The following HS1BP3 variants were observed in gnomAD, a reference collection of about 807,000 sequenced individuals.
HS1BP3 encodes the protein HCLS1-binding protein 3.
A neutral mutation model predicts 33.5 loss-of-function variants in HS1BP3; 32 were observed. The observed-to-expected ratio is 0.95, with a 90% CI of 0.72 to 1.28. The LOEUF (loss-of-function observed/expected upper bound fraction) is 1.28, where lower values mean the gene tolerates loss of function less well. HS1BP3 is among the 50% of genes most tolerant of loss of function. HS1BP3 has a pLI of 0.00. For missense variants in HS1BP3, 486 were observed against 502.3 expected (o/e 0.97, Z 0.31); for synonymous variants, 187 against 209.2 (o/e 0.89, Z 0.92).
At chr2:20,581,556 C>G (rs1693532787) in intron 5 of HS1BP3, among the ~76,000 whole-genome samples, 1 of 152,110 alleles carries the variant, frequency 6.6e-6, no homozygotes, top group Admixed American at 6.5e-5. Flanking sequence ...CACCATGTTG[C>G]CCAGGCTGGT....
chr2:20,569,859 C>A (rs1051451564), intron 5 of HS1BP3, among the ~76,000 whole-genome samples: 31 of 152,238 alleles, frequency 2.0e-4, no homozygotes, highest in African/African-American at 7.2e-4. Context: ...TGCCCCACCG[C>A]CTCTCTCTAC....
intron 1 of HS1BP3, 69 bp downstream of exon 1, chr2:20,650,963 C>A: frequency 7.5e-6 from 9 of 1,204,614 alleles, no homozygotes; most frequent in Non-Finnish European, 9.3e-6. Flanking sequence ...CGGCGGCCTC[C>A]CCCCGCCTCT....
intron 5 of HS1BP3, among the ~76,000 whole-genome samples, chr2:20,562,333 G>T (rs1488211976): frequency 2.0e-5 from 3 of 152,024 alleles, no homozygotes; most frequent in Non-Finnish European, 4.4e-5. Context: ...AACAAAATTA[G>T]CCAGCTGTGG....
At chr2:20,624,984 G>A (rs1463204350) in intron 4 of HS1BP3, 92 bp from the exon 5 acceptor site, 3 of 1,444,834 alleles carry the variant, frequency 2.1e-6, no homozygotes, top group Non-Finnish European at 2.9e-6. Flanking sequence ...GCCCTGCAGT[G>A]GAGGGGCTGG....
chr2:20,600,871 T>C (rs1187330107), intron 2 of HS1BP3, among the ~76,000 whole-genome samples: 1 of 152,198 alleles, frequency 6.6e-6, no homozygotes, highest in Non-Finnish European at 1.5e-5. Context: ...TTTTATTATT[T>C]TAAAAATTGG....
intron 2 of HS1BP3, among the ~76,000 whole-genome samples, chr2:20,610,782 G>A (rs1694302391): frequency 6.6e-6 from 1 of 152,242 alleles, no homozygotes; most frequent in African/African-American, 2.4e-5. Flanking sequence ...AGTATGTTCA[G>A]TTTTGTACTG....
intron 5 of HS1BP3, among the ~76,000 whole-genome samples, chr2:20,565,013 G>A (rs1693092043): frequency 6.6e-6 from 1 of 152,208 alleles, no homozygotes; most frequent in African/African-American, 2.4e-5. Context: ...AGGAAGTGGA[G>A]AGGGACATTA....
In HS1BP3 at chr2:20,618,725, C is replaced by A; in HGVS notation, c.*262G>T. The A allele has an allele frequency of 7.8e-7, 1 of 1,289,816 alleles. No individual in the cohort carries two copies. The allele number at this position is 1,289,816 out of a possible 1,614,324, so 79.9% of individuals were successfully genotyped here. A position where few individuals can be genotyped will look rare whatever the true frequency, so the allele number is the denominator to read the frequency against. On this transcript the variant is annotated 3_prime_UTR_variant, in exon 7 of 7. Coordinates refer to ENST00000304031, the MANE Select transcript of HS1BP3 (RefSeq NM_022460.4). Reference sequence around the variant, plus strand: ...TTGGCAAGGCATCCCCACACCCTCCCTCCCCTTCATGTCCACGGGGAATAA... The same window carrying A: ...TTGGCAAGGCATCCCCACACCCTCCATCCCCTTCATGTCCACGGGGAATAA...
chr2:20,576,349 C>T (rs906403471), intron 5 of HS1BP3, among the ~76,000 whole-genome samples: 3 of 152,178 alleles, frequency 2.0e-5, no homozygotes, highest in Non-Finnish European at 4.4e-5. Flanking sequence ...ATGTGTTCCT[C>T]CTCTTTTCCT....
chr2:20,644,205 T>C (rs1695448712), intron 2 of HS1BP3, among the ~76,000 whole-genome samples: 1 of 152,126 alleles, frequency 6.6e-6, no homozygotes, highest in African/African-American at 2.4e-5. Context: ...GTGTGTGATC[T>C]CAACCCTCTT....
chr2:20,582,735 G>A (rs1572302792), intron 5 of HS1BP3, among the ~76,000 whole-genome samples: 1 of 152,164 alleles, frequency 6.6e-6, no homozygotes, highest in Non-Finnish European at 1.5e-5. Context: ...GACAGTGGGA[G>A]GATTGTCATG....
downstream of HS1BP3, among the ~76,000 whole-genome samples, chr2:20,617,535 C>A (rs1323164030): frequency 1.3e-5 from 2 of 152,188 alleles, no homozygotes; most frequent in Non-Finnish European, 2.9e-5. Context: ...AGATGCAGGA[C>A]AGAGCAGACA....
At chr2:20,590,386 T>C (rs562266960), downstream of HS1BP3, among the ~76,000 whole-genome samples, 1 of 152,334 alleles carries the variant, frequency 6.6e-6, no homozygotes, top group African/African-American at 2.4e-5. Context: ...TGGAGTCACC[T>C]TCTATCACAG....
chr2:20,624,930 C>T (rs2149292359), intron 4 of HS1BP3, 38 bp from the exon 5 acceptor site: 3 of 1,611,712 alleles, frequency 1.9e-6, no homozygotes, highest in South Asian at 2.2e-5. Flanking sequence ...TGAGGATTTC[C>T]CACAAGTGTC....
chr2:20,649,761 G>A (rs184523866), intron 1 of HS1BP3, among the ~76,000 whole-genome samples: 371 of 152,316 alleles, frequency 2.4e-3, no homozygotes, highest in Admixed American at 4.0e-3. Context: ...ATCCTTGGGT[G>A]TGCTGGTGCC....
At position 20,619,235 on chromosome 2, in the gene HS1BP3, C is replaced by T. The variant is rs1177976943; in HGVS notation, c.931G>A (p.Asp311Asn). 6.2e-7 allele frequency: 1 copy of T among 1,604,308 alleles called. No individual in the cohort carries two copies. Among genetic ancestry groups the T allele is most frequent in the Admixed American group, 1.7e-5 (1 of 59,322 alleles). The change falls in exon 7 of 7, where the codon GAC (aspartate) becomes AAC (asparagine). Residue 311 changes from aspartate (D) to asparagine (N), a missense_variant. By Grantham distance (23) the Asp-to-Asn change is conservative (BLOSUM62 1). Transcript: ENST00000304031. Reference sequence around the variant, plus strand: ...CCCAGGTTCAGAATCTGGTCCAAGTCCTCTTCAACTCTAGGGAACCACAGG... The same window carrying T: ...CCCAGGTTCAGAATCTGGTCCAAGTTCTCTTCAACTCTAGGGAACCACAGG... ...ASKELFRVEE[D>N]LDQILNLGAE...
chr2:20,605,359 C>T (rs748293138), intron 2 of HS1BP3, among the ~76,000 whole-genome samples: 2 of 152,180 alleles, frequency 1.3e-5, no homozygotes, highest in African/African-American at 2.4e-5. Flanking sequence ...TCCAAGGCCT[C>T]GGCCTGGCAG....
downstream of HS1BP3, among the ~76,000 whole-genome samples, chr2:20,588,856 C>T (rs987833789): frequency 2.0e-5 from 3 of 152,242 alleles, no homozygotes; most frequent in Non-Finnish European, 4.4e-5. Context: ...AGGCCTGTCC[C>T]CAAGGTCCCA....
At chr2:20,622,402 C>T in intron 6 of HS1BP3, 3 of 1,112,546 alleles carry the variant, frequency 2.7e-6, no homozygotes, top group Non-Finnish European at 3.6e-6. Context: ...GGGACCCACA[C>T]TTTTTGAGCA....
Sources: gnomAD v4.1 joint callset for allele counts (sites outside exome capture counted in the v4.1 genomes callset) on GRCh38, gnomAD v4.1.1 for gene constraint, MANE v1.5 for transcripts, NCBI Gene and HGNC (gene_info 2026-07-23, HGNC 2026-07-21) for gene names.